CLVS1: variants seen among roughly 807,000 people sequenced by gnomAD.
The protein encoded by CLVS1 is clavesin-1.
CLVS1 carries 10 observed loss-of-function variants against 33.1 expected under a neutral mutation model. The observed-to-expected ratio is 0.30, with a 90% confidence interval of 0.19 to 0.51. The LOEUF (loss-of-function observed/expected upper bound fraction) is 0.51. CLVS1 is among the 20% of genes least tolerant of loss of function. The pLI is 0.97. For synonymous variants in CLVS1, 163 were observed against 166.1 expected, an observed-to-expected ratio of 0.98 and a Z score of 0.14; for missense variants, 343 against 433.4, an observed-to-expected ratio of 0.79 and a Z score of 1.85.
intron 2 of CLVS1, among the ~76,000 whole-genome samples, chr8:61,246,639 C>G (rs1397151982): frequency 3.9e-5 from 6 of 151,988 alleles, no homozygotes; most frequent in Admixed American, 3.9e-4. Context: ...CAGTCCTTTT[C>G]TTTATAGTAG....
At chr8:61,079,479 T>C (rs2129282194) in intron 1 of CLVS1, among the ~76,000 whole-genome samples, 1 of 152,332 alleles carries the variant, frequency 6.6e-6, no homozygotes, top group Non-Finnish European at 1.5e-5. Context: ...GGTGAAAATG[T>C]GCCAAGGTCT....
chr8:61,449,897 G>T (rs1816892220), intron 3 of CLVS1, among the ~76,000 whole-genome samples: 1 of 152,152 alleles, frequency 6.6e-6, no homozygotes, highest in South Asian at 2.1e-4. Context: ...CTTAGCCAAA[G>T]AAATAGGGGA....
chr8:61,373,436 G>T (rs1032679067), intron 2 of CLVS1, among the ~76,000 whole-genome samples: 14 of 152,032 alleles, frequency 9.2e-5, no homozygotes, highest in Admixed American at 4.6e-4. Flanking sequence ...TGCCTGTGCT[G>T]CAATAAAGGT....
intron 2 of CLVS1, among the ~76,000 whole-genome samples, chr8:61,254,722 G>A (rs2129591903): frequency 6.6e-6 from 1 of 152,306 alleles, no homozygotes; most frequent in East Asian, 1.9e-4. Flanking sequence ...TCTGAGCCAG[G>A]CACGGGATAT....
the CLVS1 span, among the ~76,000 whole-genome samples, chr8:61,009,441 C>G: frequency 6.6e-6 from 1 of 152,074 alleles, no homozygotes; most frequent in East Asian, 1.9e-4. Context: ...AGTCACTGTG[C>G]CTGGCAAATT....
intron 3 of CLVS1, among the ~76,000 whole-genome samples, chr8:61,437,882 T>A (rs1222737155): frequency 6.6e-6 from 1 of 152,224 alleles, no homozygotes; most frequent in African/African-American, 2.4e-5. Flanking sequence ...ATTTTACTGA[T>A]GTGTAGAATT....
chr8:61,174,783 A>G lies in CLVS1; in HGVS notation c.-152+42923A>G, dbSNP rs746154456. ...ATTTAATTGGAAAGACTGAACCCTCATGAAGGTAGGAAGAGAGTAAATGCA... is the reference window on the plus strand; with the variant it reads ...ATTTAATTGGAAAGACTGAACCCTCGTGAAGGTAGGAAGAGAGTAAATGCA... On this transcript the variant is annotated intron_variant, in intron 2 of 2. Coordinates refer to the CLVS1 transcript ENST00000522621. 1.4e-4 allele frequency among the ~76,000 whole-genome samples: 15 copies of G among 110,632 alleles called. 1 individual carries two copies. In the Middle Eastern group the frequency reaches 0.023, roughly 171 times the overall value. 72.6% of individuals were successfully genotyped at this position (110,632 alleles called of 152,430 possible).
intron 1 of CLVS1, among the ~76,000 whole-genome samples, chr8:61,110,818 A>G (rs1488216787): frequency 6.6e-6 from 1 of 152,180 alleles, no homozygotes; most frequent in Non-Finnish European, 1.5e-5. Flanking sequence ...TGACTGGCTT[A>G]TTTCACTTAC....
intron 1 of CLVS1, among the ~76,000 whole-genome samples, chr8:61,063,777 T>A (rs991084489): frequency 2.6e-5 from 4 of 152,264 alleles, no homozygotes; most frequent in Non-Finnish European, 5.9e-5. Context: ...TATAACTCAG[T>A]GGCATTAGTT....
chr8:60,996,574 T>C, the CLVS1 span, among the ~76,000 whole-genome samples: 24,621 of 152,166 alleles, frequency 0.16, 2,255 homozygotes, highest in African/African-American at 0.24. Flanking sequence ...CCTTGGACAG[T>C]TTCAGAACGG....
chr8:61,171,765 C>T (rs1173270824), intron 2 of CLVS1, among the ~76,000 whole-genome samples: 1 of 152,072 alleles, frequency 6.6e-6, no homozygotes, highest in African/African-American at 2.4e-5. Context: ...TAAGTATATC[C>T]ACATTAAAAA....
chr8:61,469,030 G>A (rs1462738408), intron 5 of CLVS1, among the ~76,000 whole-genome samples: 6 of 152,148 alleles, frequency 3.9e-5, no homozygotes, highest in African/African-American at 7.2e-5. Flanking sequence ...GAGTGACCTC[G>A]AAGAATCATG....
intron 2 of CLVS1, among the ~76,000 whole-genome samples, chr8:61,250,030 A>G (rs1808901072): frequency 6.6e-6 from 1 of 152,144 alleles, no homozygotes; most frequent in Admixed American, 6.5e-5. Context: ...GTTTTCTTCT[A>G]GGATTTTTAT....
At chr8:61,257,345 A>G (rs1809104515) in intron 2 of CLVS1, among the ~76,000 whole-genome samples, 1 of 152,246 alleles carries the variant, frequency 6.6e-6, no homozygotes, top group South Asian at 2.1e-4. Flanking sequence ...CAGCAAAGCT[A>G]CACATTTAAA....
At chr8:61,295,353 A>G (rs527386899) in intron 1 of CLVS1, among the ~76,000 whole-genome samples, 2 of 152,172 alleles carry the variant, frequency 1.3e-5, no homozygotes, top group Non-Finnish European at 2.9e-5. Context: ...GTTATCTTTG[A>G]TCTGTCATTT....
chr8:61,032,674 A>G, the CLVS1 span, among the ~76,000 whole-genome samples: 1 of 152,172 alleles, frequency 6.6e-6, no homozygotes, highest in African/African-American at 2.4e-5. Context: ...CCATTTAAAC[A>G]TCCAACACAT....
At chr8:61,237,677 G>A (rs1206023963) in intron 2 of CLVS1, among the ~76,000 whole-genome samples, 1 of 152,194 alleles carries the variant, frequency 6.6e-6, no homozygotes, top group Non-Finnish European at 1.5e-5. Flanking sequence ...CTCTCCAGAA[G>A]GCAGGGGTTT....
At chr8:61,346,938 C>G (rs1812243345) in intron 2 of CLVS1, among the ~76,000 whole-genome samples, 1 of 152,192 alleles carries the variant, frequency 6.6e-6, no homozygotes. Flanking sequence ...CAAGAGAAAA[C>G]AGCCTGTGCA....
chr8:61,273,489 C>G (rs1445766540), intron 2 of CLVS1, among the ~76,000 whole-genome samples: 1 of 152,254 alleles, frequency 6.6e-6, no homozygotes, highest in Non-Finnish European at 1.5e-5. Flanking sequence ...CAGAGGCAGG[C>G]AGGCCTCCTT....
Sources: allele counts gnomAD v4.1 joint callset (sites outside exome capture counted in the v4.1 genomes callset), GRCh38; gene constraint gnomAD v4.1.1; transcripts MANE v1.5; gene names NCBI Gene and HGNC (gene_info 2026-07-23, HGNC 2026-07-21).